Variants in GNPTAB observed in about 807,000 individuals in gnomAD.
The protein encoded by GNPTAB is N-acetylglucosamine-1-phosphotransferase subunits alpha/beta.
A neutral mutation model predicts 136.6 loss-of-function variants in GNPTAB; 92 were observed. That is an observed-to-expected ratio of 0.67 (90% CI 0.57 to 0.80). The LOEUF (loss-of-function observed/expected upper bound fraction) is 0.80, where lower values mean the gene tolerates loss of function less well. Among genes scored for constraint, GNPTAB ranks in the 30% least tolerant of loss-of-function variants. The pLI is 0.00. For synonymous variants in GNPTAB, 512 were observed against 535.1 expected (o/e 0.96, Z 0.60); for missense variants, 1,343 against 1,501.8 (o/e 0.89, Z 1.75).
At chr12:101,801,657 C>T (rs1398909204) in intron 1 of GNPTAB, among the ~76,000 whole-genome samples, 1 of 150,924 alleles carries the variant, frequency 6.6e-6, no homozygotes, top group East Asian at 1.9e-4. Flanking sequence ...CTTCTTTCTT[C>T]TCTATTCTCC....
intron 15 of GNPTAB, 147 bp from the exon 16 acceptor site, chr12:101,760,290 C>T (rs967169734): frequency 3.1e-6 from 2 of 645,760 alleles, no homozygotes; most frequent in African/African-American, 3.7e-5. Context: ...AAGATAAAGG[C>T]ACTCTAAGAA....
intron 1 of GNPTAB, among the ~76,000 whole-genome samples, chr12:101,830,121 G>C (rs1042936029): frequency 2.0e-5 from 3 of 152,062 alleles, no homozygotes; most frequent in African/African-American, 7.2e-5. Context: ...GGCCAGGTGC[G>C]GTAGCTCATG....
chr12:101,824,066 C>T (rs544178523), intron 1 of GNPTAB, among the ~76,000 whole-genome samples: 11 of 152,196 alleles, frequency 7.2e-5, no homozygotes, highest in African/African-American at 1.9e-4. Context: ...TCTCAGTTCA[C>T]GTGGTTCAGT....
At chr12:101,792,825 A>G (rs1869067793) in intron 2 of GNPTAB, among the ~76,000 whole-genome samples, 1 of 152,004 alleles carries the variant, frequency 6.6e-6, no homozygotes, top group Admixed American at 6.6e-5. Flanking sequence ...TTCATTAATT[A>G]TTTCCTCTCT....
intron 2 of GNPTAB, 182 bp downstream of exon 2, chr12:101,796,495 T>A: frequency 1.6e-6 from 1 of 618,492 alleles, no homozygotes; most frequent in East Asian, 2.7e-5. Flanking sequence ...GTTCCAGTTT[T>A]TTTTTCCTTT....
At chr12:101,769,052 C>T (rs1039084224) in intron 10 of GNPTAB, among the ~76,000 whole-genome samples, 5 of 152,212 alleles carry the variant, frequency 3.3e-5, no homozygotes, top group African/African-American at 1.2e-4. Context: ...GGTTGGGTAG[C>T]ATAAACAATT....
chr12:101,764,681 C>A lies in GNPTAB; in HGVS notation c.2236G>T (p.Ala746Ser), dbSNP rs556534288. 6.2e-7 allele frequency: 1 copy of A among 1,612,662 alleles called. No homozygotes were observed. Among genetic ancestry groups the A allele is most frequent in the African/African-American group, 1.3e-5 (1 of 74,906 alleles). The change falls in exon 13 of 21, where the codon GCT becomes TCT. Residue 746 changes from alanine (A) to serine (S), a missense_variant. Coordinates refer to ENST00000299314, the MANE Select transcript of GNPTAB (RefSeq NM_024312.5). Reference protein sequence around the residue: ...LRSFLMNSQHAKIKNQAIITD... With the variant: ...LRSFLMNSQHSKIKNQAIITD... ...ATTATAGCTTGATTTTTTATTTTAG[C>A]ATGCTGTGAGTTCATCAGAAATGAT...
At position 101,780,271 on chromosome 12, in the gene GNPTAB, C is replaced by A. The variant is rs753924329; in HGVS notation, c.652G>T (p.Val218Phe). The A allele has an allele frequency of 6.2e-7, 1 of 1,614,028 alleles. No homozygotes were observed. Among genetic ancestry groups the A allele is most frequent in the Non-Finnish European group, 8.5e-7 (1 of 1,179,902 alleles). Residue 218 changes from valine (V) to phenylalanine (F), a missense_variant, in exon 7 of 21, where the codon GTC (valine) becomes TTC (phenylalanine). Val to Phe is a conservative substitution (Grantham distance 50). Coordinates refer to ENST00000299314, the MANE Select transcript of GNPTAB (RefSeq NM_024312.5). The stretch of plus-strand genomic sequence containing the variant: ...TCTTGCATTAGCACTAATCCAGGGA[C>A]TTCTTTATCTGTTGTCTAAAATAAG... Reference protein sequence around the residue: ...WRGYLTTDKEVPGLVLMQDLA... With the variant: ...WRGYLTTDKEFPGLVLMQDLA...
intron 18 of GNPTAB, among the ~76,000 whole-genome samples, chr12:101,753,875 C>T (rs1381991082): frequency 6.6e-6 from 1 of 152,206 alleles, no homozygotes; most frequent in Non-Finnish European, 1.5e-5. Flanking sequence ...AGTGGCCAGG[C>T]ATGGCGGCTC....
At chr12:101,818,622 C>A (rs1870635580) in intron 1 of GNPTAB, among the ~76,000 whole-genome samples, 2 of 152,156 alleles carry the variant, frequency 1.3e-5, no homozygotes, top group African/African-American at 4.8e-5. Flanking sequence ...GGTGATCCAC[C>A]CACCTCAGAC....
intron 1 of GNPTAB, among the ~76,000 whole-genome samples, chr12:101,822,362 C>T (rs150985641): frequency 6.7e-4 from 102 of 152,198 alleles, no homozygotes; most frequent in African/African-American, 2.3e-3. Flanking sequence ...TGCAGTGAGC[C>T]GAGATCGCGC....
At chr12:101,769,978 G>A (rs762995635) in intron 10 of GNPTAB, 43 bp downstream of exon 10, 2 of 1,580,622 alleles carry the variant, frequency 1.3e-6, no homozygotes, top group East Asian at 2.2e-5. Context: ...GATTTGCTAA[G>A]TGACTTCCAC....
Position 101,764,310 on chromosome 12 carries a change from G to A in GNPTAB, c.2607C>T (p.His869=). 1 of 1,614,012 alleles carries A rather than the reference G, an allele frequency of 6.2e-7. No homozygotes were observed. Among genetic ancestry groups the A allele is most frequent in the African/African-American group, 1.3e-5 (1 of 75,008 alleles). Residue 869 remains histidine (H), a synonymous_variant, in exon 13 of 21, where the codon CAC becomes CAT. Coordinates refer to ENST00000299314, the MANE Select transcript of GNPTAB (RefSeq NM_024312.5). ...CAAGTAACACTTCAGTAACGCCTAT[G>A]TGATTTTCAGCATTTTCCTCCATTC... ...NSRMEENAEN[H]IGVTEVLLGR...
chr12:101,793,243 T>C (rs2137154514), intron 2 of GNPTAB, among the ~76,000 whole-genome samples: 1 of 152,314 alleles, frequency 6.6e-6, no homozygotes, highest in Non-Finnish European at 1.5e-5. Flanking sequence ...ACTGCCCACA[T>C]GTAAATTATC....
intron 2 of GNPTAB, 182 bp downstream of exon 2, chr12:101,796,491 GTTTT>G (rs1019929418): frequency 1.7e-6 from 1 of 595,782 alleles, no homozygotes. Flanking sequence ...TATCGTTCCA[GTTTT>G]TTTTTCCTTT....
chr12:101,807,604 A>G (rs112724403), intron 1 of GNPTAB, among the ~76,000 whole-genome samples: 21 of 152,322 alleles, frequency 1.4e-4, no homozygotes, highest in African/African-American at 4.3e-4. Flanking sequence ...TCTGAAACAA[A>G]TAAGCAAATA....
chr12:101,794,246 C>T (rs1869154192), intron 2 of GNPTAB, among the ~76,000 whole-genome samples: 1 of 152,182 alleles, frequency 6.6e-6, no homozygotes, highest in Admixed American at 6.5e-5. Context: ...CAAAATTGAG[C>T]CTCGGATTGA....
intron 4 of GNPTAB, among the ~76,000 whole-genome samples, chr12:101,787,854 G>A (rs371581499): frequency 2.7e-5 from 4 of 149,856 alleles, no homozygotes; most frequent in Non-Finnish European, 4.4e-5. Context: ...CGGAGGTTGC[G>A]GTGAGCCGAG....
At chr12:101,813,104 A>T (rs1031119148) in intron 1 of GNPTAB, among the ~76,000 whole-genome samples, 2 of 151,736 alleles carry the variant, frequency 1.3e-5, no homozygotes, top group Non-Finnish European at 2.9e-5. Context: ...AATTGCTGGG[A>T]TTACAGGCAT....
Sources: allele counts gnomAD v4.1 joint callset (sites outside exome capture counted in the v4.1 genomes callset), GRCh38; gene constraint gnomAD v4.1.1; transcripts MANE v1.5; gene names NCBI Gene and HGNC (gene_info 2026-07-23, HGNC 2026-07-21).